IMMP1L: variants seen among roughly 807,000 people sequenced by gnomAD.
IMMP1L encodes the protein mitochondrial inner membrane protease subunit 1.
Under a neutral mutation model 21.8 loss-of-function variants are expected in IMMP1L, and 24 were observed. The observed-to-expected ratio is 1.10, with a 90% CI of 0.80 to 1.55. IMMP1L has a LOEUF of 1.55. Ranked by LOEUF, IMMP1L falls within the 40% of genes most tolerant of loss-of-function variation. IMMP1L has a pLI of 0.00. For synonymous variants in IMMP1L, 46 were observed against 62.8 expected (o/e 0.73, Z 1.26); for missense variants, 195 against 200.7 (o/e 0.97, Z 0.17).
chr11:31,503,964 C>T (rs559268862), intron 1 of IMMP1L, among the ~76,000 whole-genome samples: 4 of 152,102 alleles, frequency 2.6e-5, no homozygotes, highest in South Asian at 4.2e-4. Flanking sequence ...AGTGATGATG[C>T]GATATAGCAA....
intron 4 of IMMP1L, among the ~76,000 whole-genome samples, chr11:31,451,182 A>T (rs1953742218): frequency 6.6e-6 from 1 of 152,152 alleles, no homozygotes; most frequent in African/African-American, 2.4e-5. Context: ...CATAAGGCCT[A>T]TGGCTTTTAC....
At chr11:31,437,968 TTATC>T (rs1313192052) in intron 4 of IMMP1L, among the ~76,000 whole-genome samples, 8 of 152,312 alleles carry the variant, frequency 5.3e-5, no homozygotes, top group African/African-American at 1.7e-4. Flanking sequence ...ACCACAATGT[TTATC>T]TATGAAACTG....
intron 1 of IMMP1L, among the ~76,000 whole-genome samples, chr11:31,470,486 G>GTACA (rs1326773902): frequency 1.3e-5 from 2 of 148,218 alleles, no homozygotes; most frequent in Non-Finnish European, 3.0e-5. Context: ...GAAGTGAAGA[G>GTACA]TACATACATA....
intron 5 of IMMP1L, among the ~76,000 whole-genome samples, chr11:31,433,214 A>G (rs1013627393): frequency 6.6e-6 from 1 of 152,164 alleles, no homozygotes; most frequent in African/African-American, 2.4e-5. Context: ...AACTTTTGGA[A>G]ATTCAAATTA....
chr11:31,450,596 T>C (rs1341366897), intron 4 of IMMP1L, among the ~76,000 whole-genome samples: 1 of 152,206 alleles, frequency 6.6e-6, no homozygotes, highest in Non-Finnish European at 1.5e-5. Flanking sequence ...TCTACAACTT[T>C]CACCTGCCAT....
At chr11:31,450,727 G>A (rs1172426015) in intron 4 of IMMP1L, among the ~76,000 whole-genome samples, 1 of 152,148 alleles carries the variant, frequency 6.6e-6, no homozygotes, top group African/African-American at 2.4e-5. Flanking sequence ...AACATCTTCT[G>A]AGAAGTTGTA....
chr11:31,500,765 C>T (rs926272581), intron 1 of IMMP1L, among the ~76,000 whole-genome samples: 1 of 152,050 alleles, frequency 6.6e-6, no homozygotes, highest in Non-Finnish European at 1.5e-5. Flanking sequence ...ATTCAGCAGA[C>T]TCTGTTTTAG....
intron 1 of IMMP1L, among the ~76,000 whole-genome samples, chr11:31,494,357 A>G (rs1021673867): frequency 3.3e-5 from 5 of 152,048 alleles, no homozygotes; most frequent in Non-Finnish European, 7.4e-5. Context: ...CGTACTTTTG[A>G]CCCTTTAAGC....
At chr11:31,467,103 T>C (rs564231851) in intron 1 of IMMP1L, among the ~76,000 whole-genome samples, 1 of 152,110 alleles carries the variant, frequency 6.6e-6, no homozygotes, top group African/African-American at 2.4e-5. Flanking sequence ...TTAGTAGTTG[T>C]TGGTTGTAGT....
intron 2 of IMMP1L, among the ~76,000 whole-genome samples, chr11:31,462,083 G>C (rs1004683764): frequency 1.3e-5 from 2 of 152,104 alleles, no homozygotes; most frequent in Non-Finnish European, 2.9e-5. Flanking sequence ...GGGATGCCAA[G>C]GTAGGCAGAT....
chr11:31,437,223 C>A, intron 4 of IMMP1L: 1 of 407,440 alleles, frequency 2.5e-6, no homozygotes, highest in Non-Finnish European at 4.9e-6. Flanking sequence ...CACGAGATAT[C>A]CAGGGGAAGA....
chr11:31,485,392 T>C (rs1042333783), intron 1 of IMMP1L, among the ~76,000 whole-genome samples: 1 of 151,866 alleles, frequency 6.6e-6, no homozygotes, highest in African/African-American at 2.4e-5. Context: ...AACATGTAAA[T>C]GATCATATTT....
intron 5 of IMMP1L, 65 bp from the exon 6 acceptor site, chr11:31,432,633 C>T: frequency 9.6e-7 from 1 of 1,042,560 alleles, no homozygotes; most frequent in African/African-American, 1.6e-5. Flanking sequence ...ATCATATTCC[C>T]TTTTGCTATC....
intron 1 of IMMP1L, among the ~76,000 whole-genome samples, chr11:31,499,923 C>T (rs1955563516): frequency 6.8e-6 from 1 of 146,128 alleles, no homozygotes; most frequent in South Asian, 2.2e-4. Context: ...ATCAGCAGTT[C>T]TGGAGGCTAA....
intron 4 of IMMP1L, chr11:31,436,973 GACA>G: frequency 4.4e-6 from 1 of 225,968 alleles, no homozygotes; most frequent in Non-Finnish European, 9.5e-6. Flanking sequence ...CTACATCTCA[GACA>G]ACACTTCATG....
chr11:31,498,918 T>C (rs1281424345), intron 1 of IMMP1L, among the ~76,000 whole-genome samples: 1 of 152,148 alleles, frequency 6.6e-6, no homozygotes, highest in East Asian at 1.9e-4. Flanking sequence ...TAATCACCAA[T>C]ACATCCATGG....
At chr11:31,482,957 T>A (rs1373430974) in intron 1 of IMMP1L, among the ~76,000 whole-genome samples, 2 of 151,958 alleles carry the variant, frequency 1.3e-5, no homozygotes, top group Non-Finnish European at 2.9e-5. Context: ...AATGGATAAA[T>A]AATAGTTATA....
At chr11:31,492,065 A>C (rs1259239015) in intron 1 of IMMP1L, among the ~76,000 whole-genome samples, 1 of 152,204 alleles carries the variant, frequency 6.6e-6, no homozygotes, top group Non-Finnish European at 1.5e-5. Flanking sequence ...TAGGAGAGTG[A>C]GCCTGTCCTG....
At chr11:31,503,778 C>T (rs976205551) in intron 1 of IMMP1L, among the ~76,000 whole-genome samples, 3 of 152,124 alleles carry the variant, frequency 2.0e-5, no homozygotes, top group African/African-American at 7.2e-5. Flanking sequence ...GAAGGAATTG[C>T]CACAGGGTGA....
Sources: gnomAD v4.1 joint callset for allele counts (sites outside exome capture counted in the v4.1 genomes callset) on GRCh38, gnomAD v4.1.1 for gene constraint, MANE v1.5 for transcripts, NCBI Gene and HGNC (gene_info 2026-07-23, HGNC 2026-07-21) for gene names.